Variants in SLC35F5 observed in about 807,000 individuals in gnomAD.
The protein encoded by SLC35F5 is solute carrier family 35 member F5.
In SLC35F5, 54 loss-of-function variants were observed where a neutral mutation model predicts 68.6. The observed-to-expected ratio is 0.79, with a 90% CI of 0.63 to 0.99. The LOEUF (loss-of-function observed/expected upper bound fraction) is 0.99. SLC35F5 is among the 50% of genes least tolerant of loss of function. The pLI is 0.00. For synonymous variants in SLC35F5, 211 were observed against 205.2 expected, an observed-to-expected ratio of 1.03 and a Z score of -0.24; for missense variants, 567 against 626.9, an observed-to-expected ratio of 0.90 and a Z score of 1.02.
At position 113,709,439 on chromosome 2, in the gene SLC35F5, G is replaced by A. The variant is rs149835686; in HGVS notation, c.*5779C>T. On this transcript the variant is annotated 3_prime_UTR_variant, in exon 16 of 16. Coordinates refer to ENST00000245680, the MANE Select transcript of SLC35F5 (RefSeq NM_025181.5). Reference sequence around the variant, plus strand: ...GCTTCTCACTTTATAGCTGAGAAGAGTGAGGGAAGGACGGACCATGGGAGT... The same window carrying A: ...GCTTCTCACTTTATAGCTGAGAAGAATGAGGGAAGGACGGACCATGGGAGT... Among the ~76,000 whole-genome samples, 35 of 152,352 alleles carry A rather than the reference G, an allele frequency of 2.3e-4. No homozygotes were observed. The East Asian group carries it at 6.7e-3, about 29-fold the overall frequency.
chr2:113,736,024 AT>A (rs2104448292), intron 7 of SLC35F5, among the ~76,000 whole-genome samples, 166 bp from the exon 8 acceptor site: 1 of 152,240 alleles, frequency 6.6e-6, no homozygotes, highest in South Asian at 2.1e-4. Flanking sequence ...AAAGACAAAC[AT>A]TTATAATCAG....
rs531095565 is a variant in SLC35F5, at chr2:113,755,181, G to C, written c.257C>G (p.Ser86Cys). 1.2e-5 allele frequency: 20 copies of C among 1,614,006 alleles called. No homozygotes were observed. The East Asian group carries it at 3.1e-4, about 25-fold the overall frequency. Residue 86 changes from serine (S) to cysteine (C), a missense_variant, in exon 3 of 16, where the codon TCC (serine) becomes TGC (cysteine). By Grantham distance (112) the Ser-to-Cys change is moderately radical. Coordinates refer to ENST00000245680, the MANE Select transcript of SLC35F5 (RefSeq NM_025181.5). Reference sequence around the variant, plus strand: ...GGTACATACCGAAGTAAGTTCAGAGGAAGCAACCCATATCACATCAACAAG... The same window carrying C: ...GGTACATACCGAAGTAAGTTCAGAGCAAGCAACCCATATCACATCAACAAG... Reference protein sequence around the residue: ...LLLVDVIWVASSELTSYVFTQ... With the variant: ...LLLVDVIWVACSELTSYVFTQ...
intron 7 of SLC35F5, among the ~76,000 whole-genome samples, chr2:113,741,093 C>A (rs1676255133): frequency 6.6e-6 from 1 of 152,178 alleles, no homozygotes. Context: ...AAATATTATT[C>A]TGCCTTCAAA....
Position 113,743,801 on chromosome 2 carries a change from T to A in SLC35F5, c.481-7A>T. 1 of 1,584,744 alleles carries A rather than the reference T, an allele frequency of 6.3e-7. No individual in the cohort carries two copies. On this transcript the variant is annotated splice_polypyrimidine_tract_variant and splice_region_variant and intron_variant, in intron 5 of 15. Coordinates refer to ENST00000245680, the MANE Select transcript of SLC35F5 (RefSeq NM_025181.5). Reference sequence around the variant, plus strand: ...GCACATACAGAGGTTCACTCTGGAATGTAACAGAAAAAAATATAAACAACA... The same window carrying A: ...GCACATACAGAGGTTCACTCTGGAAAGTAACAGAAAAAAATATAAACAACA...
intron 1 of SLC35F5, 164 bp downstream of exon 1, chr2:113,756,206 G>C (rs564707488): frequency 1.3e-5 from 20 of 1,498,782 alleles, no homozygotes; most frequent in Non-Finnish European, 1.8e-5. Flanking sequence ...TGGGCGCAGG[G>C]CTCCGGCGCC....
At chr2:113,755,104 C>A in intron 3 of SLC35F5, 61 bp downstream of exon 3, 1 of 1,516,552 alleles carries the variant, frequency 6.6e-7, no homozygotes, top group South Asian at 1.2e-5. Context: ...AGAGTTACTA[C>A]AGGTTAAGAG....
chr2:113,729,384 G>C lies in SLC35F5; in HGVS notation c.1090+17C>G. On this transcript the variant is annotated intron_variant, in intron 11 of 15. Transcript: ENST00000245680. Reference sequence around the variant, plus strand: ...TCATTTAGAGTAAATAGCCTCCCAAGTTACATATATTCTTACCAAAGAACA... The same window carrying C: ...TCATTTAGAGTAAATAGCCTCCCAACTTACATATATTCTTACCAAAGAACA... The C allele has an allele frequency of 1.5e-6, 2 of 1,304,464 alleles. No homozygotes were observed. The highest frequency in any genetic ancestry group is 1.1e-6 in the Non-Finnish European group (1 of 927,098). The allele number at this position is 1,304,464 out of a possible 1,614,324, so 80.8% of individuals were successfully genotyped here.
chr2:113,734,488 C>T (rs1280305242), intron 9 of SLC35F5, 98 bp downstream of exon 9: 2 of 681,498 alleles, frequency 2.9e-6, no homozygotes, highest in East Asian at 2.7e-5. Flanking sequence ...CCACATCTTT[C>T]TTTGCTCTTA....
rs1676374397 is a variant in SLC35F5 at position 113,743,711 on chromosome 2, A to G, written c.562+2T>C. ...TTCTACCCATTTCCAAGTTTTGCTT[A>G]CTTTTTTCAGTATCAATGTTTGTGC... On this transcript the variant is annotated splice_donor_variant, in intron 6 of 15. Coordinates refer to ENST00000245680, the MANE Select transcript of SLC35F5 (RefSeq NM_025181.5). LOFTEE classifies it high-confidence loss of function. The G allele has an allele frequency of 6.2e-7, 1 of 1,609,456 alleles. No individual in the cohort carries two copies. Among genetic ancestry groups the G allele is most frequent in the Admixed American group, 1.7e-5 (1 of 59,678 alleles).
intron 3 of SLC35F5, 66 bp downstream of exon 3, chr2:113,755,099 T>C: frequency 6.7e-7 from 1 of 1,491,886 alleles, no homozygotes; most frequent in Non-Finnish European, 9.2e-7. Flanking sequence ...CGGCTAGAGT[T>C]ACTACAGGTT....
chr2:113,717,621 G>C, intron 15 of SLC35F5, 132 bp downstream of exon 15: 1 of 556,230 alleles, frequency 1.8e-6, no homozygotes, highest in Non-Finnish European at 3.1e-6. Flanking sequence ...GACGGAACTG[G>C]AGTCCAGGCT....
rs1216751719 is a variant in SLC35F5, at chr2:113,714,100, T to C, written c.*1118A>G. 1 of 152,200 alleles carries C rather than the reference T, an allele frequency of 6.6e-6. No individual in the cohort carries two copies. The allele number at this position is 152,200 out of a possible 1,614,324, so 9.4% of individuals were successfully genotyped here. ...CAGGAGCAGTTGCATAATAAGTACA[T>C]GTAAGGCCTAAGTTTAAGAATTGCA... is the stretch of plus-strand genomic sequence containing the variant. On this transcript the variant is annotated 3_prime_UTR_variant, in exon 16 of 16. Transcript: ENST00000245680.
At position 113,750,534 on chromosome 2, in the gene SLC35F5, C is replaced by G; in HGVS notation, c.308G>C (p.Ser103Thr). 1 of 1,612,216 alleles carries G rather than the reference C, an allele frequency of 6.2e-7. No homozygotes were observed. Among genetic ancestry groups the G allele is most frequent in the Non-Finnish European group, 8.5e-7 (1 of 1,179,222 alleles). ...AAACATAGATGTTTTTGCAAAGGTG[C>G]TGAAGAATGGTTTGTTGTACTGGGT... ...VFTQYNKPFF[S>T]TFAKTSMFVL... The change falls in exon 4 of 16, where the codon AGC (serine) becomes ACC (threonine). Residue 103 changes from serine to threonine, a missense_variant. Physicochemically the swap from Ser to Thr is moderately conservative, Grantham distance 58 (BLOSUM62 1). Transcript: ENST00000245680.
At chr2:113,720,646 G>A (rs1687395552) in intron 13 of SLC35F5, among the ~76,000 whole-genome samples, 1 of 152,082 alleles carries the variant, frequency 6.6e-6, no homozygotes, top group South Asian at 2.1e-4. Context: ...ATATTTGCCA[G>A]AATGACTAAT....
intron 11 of SLC35F5, among the ~76,000 whole-genome samples, 173 bp downstream of exon 11, chr2:113,729,228 T>C (rs944568289): frequency 6.6e-6 from 1 of 152,186 alleles, no homozygotes; most frequent in African/African-American, 2.4e-5. Flanking sequence ...GGTGCACAAC[T>C]ATGCAGGATA....
chr2:113,706,690 CATCTT>C (rs1316485153), downstream of SLC35F5, among the ~76,000 whole-genome samples: 5 of 152,268 alleles, frequency 3.3e-5, no homozygotes, highest in East Asian at 9.6e-4. Context: ...ACCCGAGACA[CATCTT>C]AGAGACTAAG....
At chr2:113,747,323 G>C (rs1311540017) in intron 4 of SLC35F5, among the ~76,000 whole-genome samples, 1 of 151,762 alleles carries the variant, frequency 6.6e-6, no homozygotes, top group Non-Finnish European at 1.5e-5. Flanking sequence ...TCAAGGTCTG[G>C]ATCACACTTT....
intron 3 of SLC35F5, among the ~76,000 whole-genome samples, chr2:113,753,143 C>T (rs966683175): frequency 1.5e-5 from 2 of 137,734 alleles, no homozygotes; most frequent in Admixed American, 7.3e-5. Flanking sequence ...TTGAAATACA[C>T]ACTTTATCTC....
intron 4 of SLC35F5, among the ~76,000 whole-genome samples, chr2:113,747,282 G>A (rs934112953): frequency 4.3e-5 from 5 of 116,216 alleles, no homozygotes; most frequent in East Asian, 2.0e-4. Flanking sequence ...GCAAGATTCC[G>A]TCTCAAAAAA....
Sources: gnomAD v4.1 joint callset for allele counts (sites outside exome capture counted in the v4.1 genomes callset) on GRCh38, gnomAD v4.1.1 for gene constraint, MANE v1.5 for transcripts, NCBI Gene and HGNC (gene_info 2026-07-23, HGNC 2026-07-21) for gene names.